NRG3: variants seen among roughly 807,000 people sequenced by gnomAD.
The protein encoded by NRG3 is pro-neuregulin-3, membrane-bound isoform.
A neutral mutation model predicts 66.9 loss-of-function variants in NRG3; 31 were observed. That is an observed-to-expected ratio of 0.46 (90% CI 0.35 to 0.63). NRG3 has a LOEUF of 0.63. NRG3 is among the 20% of genes least tolerant of loss of function. NRG3 has a pLI of 0.00. For synonymous variants in NRG3, 393 were observed against 359.4 expected (o/e 1.09, Z -1.06); for missense variants, 910 against 878.9 (o/e 1.04, Z -0.45).
intron 2 of NRG3, among the ~76,000 whole-genome samples, chr10:82,451,961 T>G (rs1460049758): frequency 6.6e-6 from 1 of 152,112 alleles, no homozygotes; most frequent in Non-Finnish European, 1.5e-5. Flanking sequence ...AATAAAAAAA[T>G]GTTATCTCTA....
intron 3 of NRG3, among the ~76,000 whole-genome samples, chr10:82,812,052 G>A (rs1386242819): frequency 1.3e-5 from 2 of 152,198 alleles, no homozygotes; most frequent in Non-Finnish European, 2.9e-5. Flanking sequence ...TGATAGCTCA[G>A]CTGAGTTAAA....
chr10:82,070,507 T>C lies in NRG3; in HGVS notation c.823+194344T>C, dbSNP rs560790060. 3.3e-5 allele frequency among the ~76,000 whole-genome samples: 5 copies of C among 152,274 alleles called. No homozygotes were observed. The South Asian group carries it at 8.3e-4, about 25-fold the overall frequency. On this transcript the variant is annotated intron_variant, in intron 1 of 8. Transcript: ENST00000372141. The stretch of plus-strand genomic sequence containing the variant: ...AAGTCAAAAACTGTAACAGAAAATA[T>C]TGATAAATTTAATATAAAAATGTTA...
At position 82,369,935 on chromosome 10, in the gene NRG3, G is replaced by A. The variant is rs1209998864; in HGVS notation, c.953+11067G>A. Among the ~76,000 whole-genome samples, 2 of 137,836 alleles carry A rather than the reference G, an allele frequency of 1.5e-5. 1 individual carries two copies. The highest frequency in any genetic ancestry group is 6.8e-5 in the African/African-American group (2 of 29,486). The allele number at this position is 137,836 out of a possible 152,430, so 90.4% of individuals were successfully genotyped here. On this transcript the variant is annotated intron_variant, in intron 2 of 8. Coordinates refer to ENST00000372141, the MANE Select transcript of NRG3 (RefSeq NM_001010848.4). ...CAGGGGTGTGGCTCACCTGTTTTTG[G>A]TCGTCCCCCAGCTGAAACCCCTGAA...
intron 3 of NRG3, among the ~76,000 whole-genome samples, chr10:82,764,957 T>C (rs1045189598): frequency 6.6e-6 from 1 of 152,146 alleles, no homozygotes; most frequent in African/African-American, 2.4e-5. Context: ...CAAAGTGTAG[T>C]TTAAATTATA....
At chr10:82,786,617 C>T (rs1253982450) in intron 3 of NRG3, among the ~76,000 whole-genome samples, 3 of 152,022 alleles carry the variant, frequency 2.0e-5, no homozygotes, top group Non-Finnish European at 2.9e-5. Flanking sequence ...GGATTTTGAA[C>T]TTTTGAGGTG....
intron 2 of NRG3, among the ~76,000 whole-genome samples, chr10:82,576,662 C>T (rs1434832722): frequency 2.0e-5 from 3 of 151,776 alleles, no homozygotes; most frequent in African/African-American, 7.3e-5. Context: ...TGCTAGACAA[C>T]TGCCTTTTGT....
chr10:82,576,423 T>G (rs898075491), intron 2 of NRG3, among the ~76,000 whole-genome samples: 2 of 151,576 alleles, frequency 1.3e-5, no homozygotes, highest in African/African-American at 2.4e-5. Context: ...TAATATAATC[T>G]TTCCAATGGG....
intron 1 of NRG3, among the ~76,000 whole-genome samples, chr10:82,080,544 C>G (rs1050033961): frequency 6.6e-6 from 1 of 152,056 alleles, no homozygotes; most frequent in African/African-American, 2.4e-5. Flanking sequence ...TTGCCACATG[C>G]TCCTACAGCC....
At chr10:82,024,836 C>T (rs1564747639) in intron 1 of NRG3, among the ~76,000 whole-genome samples, 1 of 152,104 alleles carries the variant, frequency 6.6e-6, no homozygotes, top group Non-Finnish European at 1.5e-5. Flanking sequence ...ACTTGTAGCC[C>T]TCCCAGTATC....
At chr10:82,273,036 T>G (rs1015010324) in intron 1 of NRG3, among the ~76,000 whole-genome samples, 2 of 152,084 alleles carry the variant, frequency 1.3e-5, no homozygotes, top group African/African-American at 4.8e-5. Context: ...CACTTTCAAG[T>G]TGGGGTTGTC....
chr10:82,873,061 A>C (rs549665536), intron 4 of NRG3, among the ~76,000 whole-genome samples: 1 of 152,232 alleles, frequency 6.6e-6, no homozygotes, highest in South Asian at 2.1e-4. Flanking sequence ...GCCATGCCAA[A>C]CCTAATGTCT....
At chr10:82,902,303 T>A (rs959915082) in intron 4 of NRG3, among the ~76,000 whole-genome samples, 2 of 152,180 alleles carry the variant, frequency 1.3e-5, no homozygotes, top group African/African-American at 4.8e-5. Context: ...CTGGGGAAGA[T>A]TAAAAAGATT....
At chr10:82,132,476 TATG>T (rs1475558217) in intron 1 of NRG3, among the ~76,000 whole-genome samples, 1 of 94,640 alleles carries the variant, frequency 1.1e-5, no homozygotes, top group African/African-American at 5.6e-5. Flanking sequence ...ATGATATATA[TATG>T]ATATATATAT....
At chr10:82,378,627 G>A (rs1463828027) in intron 2 of NRG3, among the ~76,000 whole-genome samples, 1 of 151,646 alleles carries the variant, frequency 6.6e-6, no homozygotes, top group Non-Finnish European at 1.5e-5. Flanking sequence ...CTGGAGTGCG[G>A]TGGTGCGATC....
At chr10:82,827,645 C>T (rs928678804) in intron 3 of NRG3, among the ~76,000 whole-genome samples, 3 of 152,092 alleles carry the variant, frequency 2.0e-5, no homozygotes, top group Admixed American at 2.0e-4. Context: ...AGATTAAAAA[C>T]AAAATCTCAG....
intron 2 of NRG3, among the ~76,000 whole-genome samples, chr10:82,427,724 T>C (rs2089537833): frequency 6.6e-6 from 1 of 152,104 alleles, no homozygotes; most frequent in Non-Finnish European, 1.5e-5. Context: ...TGGTCTCACT[T>C]TGAGTCAATA....
At chr10:82,804,696 G>T (rs564793943) in intron 3 of NRG3, among the ~76,000 whole-genome samples, 8 of 152,238 alleles carry the variant, frequency 5.3e-5, no homozygotes, top group African/African-American at 1.9e-4. Flanking sequence ...CTTAATAAGT[G>T]CCAGTGACTC....
chr10:82,871,100 A>C (rs1841298974), intron 4 of NRG3, among the ~76,000 whole-genome samples: 1 of 152,136 alleles, frequency 6.6e-6, no homozygotes, highest in Non-Finnish European at 1.5e-5. Context: ...TTTTGTGAAG[A>C]GTGTAAGGTC....
chr10:81,880,130 T>C (rs1308609027), intron 1 of NRG3, among the ~76,000 whole-genome samples: 1 of 152,152 alleles, frequency 6.6e-6, no homozygotes, highest in Non-Finnish European at 1.5e-5. Context: ...TGCTGTACAA[T>C]TTTACTGTTA....
Sources: allele counts gnomAD v4.1 joint callset (sites outside exome capture counted in the v4.1 genomes callset), GRCh38; gene constraint gnomAD v4.1.1; transcripts MANE v1.5; gene names NCBI Gene and HGNC (gene_info 2026-07-23, HGNC 2026-07-21).